Variants in PCDH11Y observed in about 807,000 individuals in gnomAD.
PCDH11Y encodes protocadherin 11 Y-linked, also known as protocadherin-11 Y-linked.
For synonymous variants in PCDH11Y, 9 were observed against 83.6 expected (o/e 0.11, Z 4.87); for missense variants, 12 against 224.8 (o/e 0.05, Z 6.05).
At chrY:5,052,612 C>G, upstream of PCDH11Y, among the ~76,000 whole-genome samples, 2 of 32,692 alleles carry the variant, frequency 6.1e-5, no homozygotes, top group South Asian at 1.3e-3. Flanking sequence ...ATTATTGTGT[C>G]CCTCTAAATA....
chrY:5,392,023 G>T, intron 2 of PCDH11Y, among the ~76,000 whole-genome samples: 1 of 33,026 alleles, frequency 3.0e-5, no homozygotes, highest in Non-Finnish European at 7.4e-5. Flanking sequence ...ATTTTTAAAA[G>T]ATTATCTAAA....
At chrY:5,668,512 C>G in intron 4 of PCDH11Y, among the ~76,000 whole-genome samples, 1 of 31,637 alleles carries the variant, frequency 3.2e-5, no homozygotes, top group Admixed American at 2.9e-4. Flanking sequence ...TTGTAGCACT[C>G]ATTTATAATT....
At chrY:5,289,534 A>G in intron 2 of PCDH11Y, among the ~76,000 whole-genome samples, 1 of 33,565 alleles carries the variant, frequency 3.0e-5, no homozygotes, top group Non-Finnish European at 7.4e-5. Context: ...AGCATCAGGG[A>G]CATTGGGGGT....
At chrY:5,108,899 A>G, downstream of PCDH11Y, among the ~76,000 whole-genome samples, 1 of 31,562 alleles carries the variant, frequency 3.2e-5, no homozygotes, top group Non-Finnish European at 7.7e-5. Context: ...CTGTTTTGTC[A>G]CCTGCACTCC....
chrY:5,531,465 G>T (rs1602938879), intron 3 of PCDH11Y, among the ~76,000 whole-genome samples: 5 of 32,788 alleles, frequency 1.5e-4, no homozygotes, highest in Non-Finnish European at 3.7e-4. Context: ...AATATAAACG[G>T]CCAGGTAATC....
At chrY:5,516,399 TAC>T (rs2053372674) in intron 3 of PCDH11Y, among the ~76,000 whole-genome samples, 2 of 33,256 alleles carry the variant, frequency 6.0e-5, no homozygotes, top group Non-Finnish European at 1.5e-4. Flanking sequence ...AACAAAAGAA[TAC>T]AACGAATAAA....
At chrY:5,379,421 G>T in intron 2 of PCDH11Y, among the ~76,000 whole-genome samples, 2 of 30,167 alleles carry the variant, frequency 6.6e-5, no homozygotes, top group Admixed American at 6.3e-4. Flanking sequence ...GAAACTCTGC[G>T]TAGAGAAAAG....
At chrY:5,374,090 C>G in intron 2 of PCDH11Y, among the ~76,000 whole-genome samples, 1 of 32,216 alleles carries the variant, frequency 3.1e-5, no homozygotes, top group Non-Finnish European at 7.5e-5. Context: ...AACATCAACC[C>G]TATAACTGTG....
In PCDH11Y at chrY:5,036,358, T is replaced by C. The variant is rs1476424584; in HGVS notation, c.32+3630T>C. 2.8e-3 allele frequency among the ~76,000 whole-genome samples: 91 copies of C among 32,215 alleles called. No individual in the cohort carries two copies. The East Asian group carries it at 0.06, about 21-fold the overall frequency. 86.4% of individuals were successfully genotyped at this position (32,215 alleles called of 37,273 possible). A position where few individuals can be genotyped will look rare whatever the true frequency, so the allele number is the denominator to read the frequency against. ...TGCAGGATATACAAATACCTTTGTT[T>C]ATTATTTTTTTTAGTTTATAATAAC... On this transcript the variant is annotated intron_variant, in intron 3 of 5. Coordinates refer to the PCDH11Y transcript ENST00000333703.
intron 2 of PCDH11Y, among the ~76,000 whole-genome samples, chrY:5,194,714 G>A: frequency 6.1e-5 from 2 of 32,586 alleles, no homozygotes; most frequent in East Asian, 1.7e-3. Context: ...AAGGCGGTGT[G>A]GACCCAAAAA....
intron 4 of PCDH11Y, among the ~76,000 whole-genome samples, chrY:5,726,450 T>C (rs2053598811): frequency 3.0e-5 from 1 of 33,056 alleles, no homozygotes; most frequent in Admixed American, 2.8e-4. Flanking sequence ...TATAGGCAAA[T>C]CTATTGAGAC....
chrY:5,381,260 G>A, intron 2 of PCDH11Y, among the ~76,000 whole-genome samples: 7 of 32,128 alleles, frequency 2.2e-4, no homozygotes. Flanking sequence ...TGCTGGGTGT[G>A]CTCTTTCCTT....
chrY:5,737,071 A>C, intron 4 of PCDH11Y, among the ~76,000 whole-genome samples: 1 of 32,158 alleles, frequency 3.1e-5, no homozygotes. Context: ...ATGAGACCTC[A>C]TCCACCCACT....
At chrY:5,157,261 A>G in intron 2 of PCDH11Y, among the ~76,000 whole-genome samples, 1 of 33,051 alleles carries the variant, frequency 3.0e-5, no homozygotes, top group Non-Finnish European at 7.5e-5. Context: ...GTGTGAAGAA[A>G]TGAATATTTT....
At chrY:5,266,123 G>A (rs2053025368) in intron 2 of PCDH11Y, among the ~76,000 whole-genome samples, 3 of 32,922 alleles carry the variant, frequency 9.1e-5, no homozygotes, top group Non-Finnish European at 1.5e-4. Flanking sequence ...AGTTAGATCA[G>A]AAAAGAAGTA....
intron 3 of PCDH11Y, among the ~76,000 whole-genome samples, chrY:5,506,414 C>A: frequency 3.1e-5 from 1 of 32,101 alleles, no homozygotes; most frequent in African/African-American, 1.2e-4. Context: ...TGACGAAAGT[C>A]ACATATCAAT....
chrY:5,509,114 G>A, intron 3 of PCDH11Y, among the ~76,000 whole-genome samples: 2 of 32,265 alleles, frequency 6.2e-5, no homozygotes, highest in South Asian at 1.4e-3. Flanking sequence ...AGTCACTAAT[G>A]TTGGTAAGCA....
intron 2 of PCDH11Y, among the ~76,000 whole-genome samples, chrY:5,168,542 CATATATATAT>C (rs61386097): frequency 0.033 from 39 of 1,187 alleles, no homozygotes; most frequent in East Asian, 0.07. Flanking sequence ...TCGTAGACAT[CATATATATAT>C]ATATATATAT....
chrY:5,135,691 C>T, intron 2 of PCDH11Y, among the ~76,000 whole-genome samples: 2 of 33,261 alleles, frequency 6.0e-5, no homozygotes, highest in African/African-American at 1.2e-4. Context: ...ACAGTATTTC[C>T]GTAACTACCC....
Sources: gnomAD v4.1 joint callset for allele counts (sites outside exome capture counted in the v4.1 genomes callset) on GRCh38, gnomAD v4.1.1 for gene constraint, MANE v1.5 for transcripts, NCBI Gene and HGNC (gene_info 2026-07-23, HGNC 2026-07-21) for gene names.